Variants in IARS1 observed in about 807,000 individuals in gnomAD.
The protein encoded by IARS1 is isoleucyl-tRNA synthetase 1, also known as isoleucine--tRNA ligase, cytoplasmic.
In IARS1, 124 loss-of-function variants were observed where a neutral mutation model predicts 168.2. The observed-to-expected ratio is 0.74, with a 90% CI of 0.64 to 0.86. The LOEUF is 0.86. IARS1 is among the 40% of genes least tolerant of loss of function. The pLI is 0.00. For synonymous variants in IARS1, 532 were observed against 529.4 expected (o/e 1.00, Z -0.07); for missense variants, 1,452 against 1,515.8 (o/e 0.96, Z 0.70).
Position 92,210,781 on chromosome 9 carries a change from G to T in IARS1, c.*26C>A. 1.4e-6 allele frequency: 2 copies of T among 1,445,030 alleles called. No homozygotes were observed. Among genetic ancestry groups the T allele is most frequent in the South Asian group, 2.3e-5 (2 of 87,524 alleles). The allele number at this position is 1,445,030 out of a possible 1,614,324, so 89.5% of individuals were successfully genotyped here. On this transcript the variant is annotated 3_prime_UTR_variant, in exon 34 of 34. Transcript: ENST00000443024. ...GGATAGGTGTAATTAGGGAAGGGCT[G>T]ACCGAACAACATTGATAAGTACATG...
chr9:92,288,422 G>C (rs1422510546), intron 2 of IARS1, 140 bp from the exon 3 acceptor site: 8 of 721,926 alleles, frequency 1.1e-5, no homozygotes, highest in African/African-American at 1.8e-5. Context: ...TAATTGATTT[G>C]ATATTTACTG....
At chr9:92,226,845 T>TCTCG (rs942653844) in intron 31 of IARS1, among the ~76,000 whole-genome samples, 13 of 149,270 alleles carry the variant, frequency 8.7e-5, no homozygotes, top group African/African-American at 3.2e-4. Context: ...CTTGGGTGTT[T>TCTCG]CTCGCAGAGG....
At chr9:92,246,750 CT>C (rs1410612015) in intron 26 of IARS1, among the ~76,000 whole-genome samples, 2 of 152,076 alleles carry the variant, frequency 1.3e-5, no homozygotes, top group East Asian at 3.9e-4. Flanking sequence ...CTCAAGTGAT[CT>C]ATCCAACTGG....
intron 31 of IARS1, among the ~76,000 whole-genome samples, chr9:92,225,977 A>G (rs11793505): frequency 0.11 from 17,120 of 152,250 alleles, 1,100 homozygotes; most frequent in South Asian, 0.22. Context: ...GTGTACCAGC[A>G]GTTTCTTCTG....
intron 33 of IARS1, among the ~76,000 whole-genome samples, chr9:92,213,839 T>G (rs1350171364): frequency 1.3e-5 from 2 of 152,098 alleles, no homozygotes; most frequent in Non-Finnish European, 2.9e-5. Context: ...GAGATGGAGT[T>G]TAACTCTTGT....
At chr9:92,255,687 G>A (rs1830617797) in intron 20 of IARS1, among the ~76,000 whole-genome samples, 1 of 152,054 alleles carries the variant, frequency 6.6e-6, no homozygotes, top group Non-Finnish European at 1.5e-5. Context: ...ATTATTTATT[G>A]AGTACCTATC....
chr9:92,268,342 G>T, intron 13 of IARS1, 42 bp from the exon 14 acceptor site: 2 of 1,592,204 alleles, frequency 1.3e-6, no homozygotes, highest in South Asian at 2.3e-5. Flanking sequence ...TAAAAATATG[G>T]AAAAATTCAA....
intron 27 of IARS1, chr9:92,243,565 G>A (rs772106420): frequency 9.4e-6 from 3 of 320,482 alleles, no homozygotes; most frequent in Admixed American, 4.5e-5. Context: ...CACAGGAGAT[G>A]CCCTGGGACC....
At chr9:92,290,026 C>G (rs764936980) in intron 1 of IARS1, among the ~76,000 whole-genome samples, 14 of 152,174 alleles carry the variant, frequency 9.2e-5, no homozygotes, top group Non-Finnish European at 1.8e-4. Context: ...CATTCACATA[C>G]AAAATTTTGT....
intron 10 of IARS1, among the ~76,000 whole-genome samples, chr9:92,273,825 T>A (rs990896483): frequency 3.0e-4 from 46 of 152,216 alleles, no homozygotes; most frequent in African/African-American, 1.0e-3. Flanking sequence ...CCTAGAGGAA[T>A]GTGTATGTAG....
chr9:92,271,718 A>T, intron 10 of IARS1, 63 bp from the exon 11 acceptor site: 4 of 1,532,362 alleles, frequency 2.6e-6, no homozygotes, highest in Non-Finnish European at 3.6e-6. Context: ...AGCATGAGGT[A>T]ATAGATTCCC....
chr9:92,283,329 G>C (rs1834934867), intron 6 of IARS1, among the ~76,000 whole-genome samples: 1 of 152,148 alleles, frequency 6.6e-6, no homozygotes, highest in African/African-American at 2.4e-5. Flanking sequence ...CTCAGTATTA[G>C]AACTAAAAAT....
intron 26 of IARS1, among the ~76,000 whole-genome samples, chr9:92,246,753 T>C (rs1231729238): frequency 2.0e-5 from 3 of 151,998 alleles, no homozygotes; most frequent in Non-Finnish European, 4.4e-5. Flanking sequence ...AAGTGATCTA[T>C]CCAACTGGGC....
intron 30 of IARS1, among the ~76,000 whole-genome samples, 185 bp from the exon 31 acceptor site, chr9:92,229,311 T>A (rs1162558147): frequency 3.3e-5 from 5 of 150,998 alleles, no homozygotes; most frequent in Non-Finnish European, 7.4e-5. Flanking sequence ...CAAGGATGGA[T>A]ATATATACAT....
chr9:92,288,060 T>C (rs1185477121), intron 3 of IARS1, 66 bp downstream of exon 3: 29 of 1,545,282 alleles, frequency 1.9e-5, no homozygotes, highest in Non-Finnish European at 2.5e-5. Flanking sequence ...TTGAACATAT[T>C]ATATGACAAA....
chr9:92,249,120 A>C (rs996267064), intron 25 of IARS1, among the ~76,000 whole-genome samples: 1 of 152,222 alleles, frequency 6.6e-6, no homozygotes, highest in Admixed American at 6.5e-5. Flanking sequence ...TAAATTATGA[A>C]GCAGCCAGGA....
intron 29 of IARS1, 59 bp downstream of exon 29, chr9:92,242,095 A>G (rs145769490): frequency 7.4e-7 from 1 of 1,348,032 alleles, no homozygotes; most frequent in South Asian, 1.3e-5. Flanking sequence ...ACGTGAGTAC[A>G]CAAAGTCAAA....
chr9:92,258,124 G>A (rs1380896659), intron 19 of IARS1, among the ~76,000 whole-genome samples: 1 of 152,142 alleles, frequency 6.6e-6, no homozygotes, highest in African/African-American at 2.4e-5. Context: ...CCCCACTGAG[G>A]GGCCTTCTCT....
intron 18 of IARS1, among the ~76,000 whole-genome samples, chr9:92,259,538 T>C (rs1036529225): frequency 6.6e-6 from 1 of 152,178 alleles, no homozygotes; most frequent in Non-Finnish European, 1.5e-5. Context: ...CAGTGGAGAA[T>C]TGGGGGAGAG....
Sources: gnomAD v4.1 joint callset for allele counts (sites outside exome capture counted in the v4.1 genomes callset) on GRCh38, gnomAD v4.1.1 for gene constraint, MANE v1.5 for transcripts, NCBI Gene and HGNC (gene_info 2026-07-23, HGNC 2026-07-21) for gene names.